DHRS4: variants seen among roughly 807,000 people sequenced by gnomAD.
The protein encoded by DHRS4 is dehydrogenase/reductase 4, also known as dehydrogenase/reductase SDR family member 4.
A neutral mutation model predicts 28.4 loss-of-function variants in DHRS4; 20 were observed. The observed-to-expected ratio is 0.71, with a 90% CI of 0.50 to 1.02. The LOEUF (loss-of-function observed/expected upper bound fraction) is 1.02, where lower values mean the gene tolerates loss of function less well. Ranked by LOEUF, DHRS4 falls within the 50% of genes least tolerant of loss-of-function variation. DHRS4 has a pLI of 0.00. For missense variants in DHRS4, 378 were observed against 367.2 expected (o/e 1.03, Z -0.24); for synonymous variants, 144 against 146.4 (o/e 0.98, Z 0.12).
chr14:23,968,754 C>G lies in DHRS4; in HGVS notation c.723-3C>G, dbSNP rs552533255. ...CTCCTTCCTTGCTTCCCTTATTCCC[C>G]AGGTTAGGCGAGCCAGAGGATTGTG... On this transcript the variant is annotated splice_polypyrimidine_tract_variant and splice_region_variant and intron_variant, in intron 7 of 7. Coordinates refer to ENST00000313250, the MANE Select transcript of DHRS4 (RefSeq NM_021004.4). 1 of 1,605,180 alleles carries G rather than the reference C, an allele frequency of 6.2e-7. No individual in the cohort carries two copies. Among genetic ancestry groups the G allele is most frequent in the Non-Finnish European group, 8.5e-7 (1 of 1,176,384 alleles).
intron 6 of DHRS4, among the ~76,000 whole-genome samples, chr14:23,966,756 A>G (rs1297033418): frequency 1.3e-5 from 2 of 152,268 alleles, no homozygotes; most frequent in Non-Finnish European, 2.9e-5. Context: ...GGAGCTAGAA[A>G]AAAATAGGAA....
At chr14:23,956,236 G>C (rs2033140402) in intron 2 of DHRS4, among the ~76,000 whole-genome samples, 1 of 151,564 alleles carries the variant, frequency 6.6e-6, no homozygotes, top group Non-Finnish European at 1.5e-5. Flanking sequence ...TTGGGGCCTT[G>C]ATCCTGATGG....
In DHRS4 at chr14:23,969,142, A is replaced by AT; in HGVS notation, c.*277dup. 1 of 480,104 alleles carries AT rather than the reference A, an allele frequency of 2.1e-6. No individual in the cohort carries two copies. The highest frequency in any genetic ancestry group is 3.4e-6 in the Non-Finnish European group (1 of 295,138). 29.7% of individuals were successfully genotyped at this position (480,104 alleles called of 1,614,324 possible). A position where few individuals can be genotyped will look rare whatever the true frequency, so the allele number is the denominator to read the frequency against. On this transcript the variant is annotated 3_prime_UTR_variant, in exon 8 of 8. Coordinates refer to ENST00000313250, the MANE Select transcript of DHRS4 (RefSeq NM_021004.4). ...AGTCTACCTTGGCAAAGACCAAGAT[A>AT]TTTTTTCCCGGGCCACTGGGGAATC... is the stretch of plus-strand genomic sequence containing the variant.
chr14:23,954,254 G>A (rs2032988707), intron 1 of DHRS4: 3 of 242,676 alleles, frequency 1.2e-5, no homozygotes, highest in South Asian at 1.6e-4. Context: ...AGGAAATCTG[G>A]ATTTCAAAAT....
At chr14:23,959,677 T>A (rs1446991735) in intron 2 of DHRS4, among the ~76,000 whole-genome samples, 1 of 151,574 alleles carries the variant, frequency 6.6e-6, no homozygotes, top group East Asian at 1.9e-4. Flanking sequence ...GATTTTGTTG[T>A]CATTGTTGTT....
intron 3 of DHRS4, among the ~76,000 whole-genome samples, chr14:23,961,830 A>C (rs1056174755): frequency 6.9e-6 from 1 of 145,272 alleles, no homozygotes; most frequent in African/African-American, 2.6e-5. Context: ...GATAGTCTTT[A>C]AAATAGAGGA....
chr14:23,954,044 G>A, intron 1 of DHRS4, 128 bp downstream of exon 1: 1 of 1,436,220 alleles, frequency 7.0e-7, no homozygotes, highest in Non-Finnish European at 9.2e-7. Context: ...CTGGAAAAAA[G>A]GTAGCCACGT....
At position 23,955,019 on chromosome 14, in the gene DHRS4, C is replaced by T. The variant is rs761008821; in HGVS notation, c.129-16C>T. 1.8e-5 allele frequency: 29 copies of T among 1,613,988 alleles called. No individual in the cohort carries two copies. The highest frequency in any genetic ancestry group is 8.8e-5 in the South Asian group (8 of 91,088). ...CTGCACAGGCCTTAGCAGTCTTTGTCTCTTTCTGCTCACAGGATCGGCTTC... is the reference window on the plus strand; with the variant it reads ...CTGCACAGGCCTTAGCAGTCTTTGTTTCTTTCTGCTCACAGGATCGGCTTC... On this transcript the variant is annotated splice_polypyrimidine_tract_variant and intron_variant, in intron 1 of 7. Coordinates refer to ENST00000313250, the MANE Select transcript of DHRS4 (RefSeq NM_021004.4).
intron 2 of DHRS4, among the ~76,000 whole-genome samples, chr14:23,956,065 A>G (rs867651053): frequency 1.3e-5 from 2 of 152,264 alleles, no homozygotes; most frequent in South Asian, 4.1e-4. Context: ...CTTAAGCAAT[A>G]GTAGACAGTA....
intron 2 of DHRS4, among the ~76,000 whole-genome samples, chr14:23,956,574 G>A (rs893476616): frequency 1.3e-5 from 2 of 149,186 alleles, no homozygotes; most frequent in Non-Finnish European, 3.0e-5. Context: ...GCATTGGAAA[G>A]ATAGAGGCCA....
At chr14:23,964,248 A>AC (rs1235026081) in intron 3 of DHRS4, among the ~76,000 whole-genome samples, 3 of 134,324 alleles carry the variant, frequency 2.2e-5, no homozygotes, top group African/African-American at 9.8e-5. Context: ...AAAAAAAAAA[A>AC]AAAAAACACA....
In DHRS4 at chr14:23,967,095, A is replaced by G; in HGVS notation, c.667-116A>G. ...GCATAACCCGGGAGGCGGAGTTTGC[A>G]GTGAGCCAAGATAGCGCCACTACAG... On this transcript the variant is annotated intron_variant, in intron 6 of 7. Coordinates refer to ENST00000313250, the MANE Select transcript of DHRS4 (RefSeq NM_021004.4). The G allele has an allele frequency of 4.1e-6, 5 of 1,232,796 alleles. No individual in the cohort carries two copies. The South Asian group carries it at 8.0e-5, about 20-fold the overall frequency. The allele number at this position is 1,232,796 out of a possible 1,614,324, so 76.4% of individuals were successfully genotyped here. A position where few individuals can be genotyped will look rare whatever the true frequency, so the allele number is the denominator to read the frequency against.
chr14:23,968,405 G>C (rs1253483701), intron 7 of DHRS4, among the ~76,000 whole-genome samples: 1 of 150,598 alleles, frequency 6.6e-6, no homozygotes, highest in Non-Finnish European at 1.5e-5. Flanking sequence ...CAGACTCCCT[G>C]ATACTTTAGT....
At position 23,961,544 on chromosome 14, in the gene DHRS4, T is replaced by TTTTC. The variant is rs371410675; in HGVS notation, c.408+1541_408+1542insTTTC. Among the ~76,000 whole-genome samples the TTTTC allele has an allele frequency of 1.3e-4, 16 of 123,610 alleles. No individual in the cohort carries two copies. The South Asian group carries it at 1.3e-3, about 10-fold the overall frequency. 81.1% of individuals were successfully genotyped at this position (123,610 alleles called of 152,430 possible). A position where few individuals can be genotyped will look rare whatever the true frequency, so the allele number is the denominator to read the frequency against. On this transcript the variant is annotated intron_variant, in intron 3 of 7. Coordinates refer to ENST00000313250, the MANE Select transcript of DHRS4 (RefSeq NM_021004.4). ...GTCTTTTTTCCTTTTTTTTTTTTTT[T>TTTTC]CCCTCGCTGTGTCATTGAGGCTAGA...
At chr14:23,962,490 AG>A (rs1303180309) in intron 3 of DHRS4, among the ~76,000 whole-genome samples, 2 of 151,698 alleles carry the variant, frequency 1.3e-5, no homozygotes, top group African/African-American at 4.9e-5. Context: ...TTCCATCCCA[AG>A]AAACCACTTT....
At chr14:23,968,621 G>T in intron 7 of DHRS4, 136 bp from the exon 8 acceptor site, 1 of 1,438,804 alleles carries the variant, frequency 7.0e-7, no homozygotes, top group Non-Finnish European at 9.5e-7. Context: ...TATTTGATAG[G>T]CAGAAAGCTT....
chr14:23,966,139 G>A, intron 5 of DHRS4, 144 bp from the exon 6 acceptor site: 2 of 1,587,210 alleles, frequency 1.3e-6, no homozygotes, highest in South Asian at 1.2e-5. Context: ...CCACAACCTA[G>A]GGGAGGTTTA....
chr14:23,964,184 C>A, intron 3 of DHRS4, among the ~76,000 whole-genome samples: 1 of 98,600 alleles, frequency 1.0e-5, no homozygotes, highest in South Asian at 3.7e-4. Flanking sequence ...AAAAATGGCT[C>A]GAATTAATGC....
chr14:23,966,352 G>T lies in DHRS4; in HGVS notation c.601G>T (p.Ala201Ser), dbSNP rs764867246. The change falls in exon 6 of 8, where the codon GCC becomes TCC. Residue 201 changes from alanine to serine, a missense_variant. Coordinates refer to ENST00000313250, the MANE Select transcript of DHRS4 (RefSeq NM_021004.4). ...GACCAAGACCCTGGCCATAGAGCTGGCCCCAAGGAACATTAGGGTGAACTG... is the reference window on the plus strand; with the variant it reads ...GACCAAGACCCTGGCCATAGAGCTGTCCCCAAGGAACATTAGGGTGAACTG... ...GLTKTLAIEL[A>S]PRNIRVNCLA... is the part of the protein sequence containing the mutation. 2 of 1,614,044 alleles carry T rather than the reference G, an allele frequency of 1.2e-6. No homozygotes were observed. The highest frequency in any genetic ancestry group is 8.5e-7 in the Non-Finnish European group (1 of 1,180,016).
Sources: gnomAD v4.1 joint callset for allele counts (sites outside exome capture counted in the v4.1 genomes callset) on GRCh38, gnomAD v4.1.1 for gene constraint, MANE v1.5 for transcripts, NCBI Gene and HGNC (gene_info 2026-07-23, HGNC 2026-07-21) for gene names.